The following SHANK2 variants were observed in gnomAD, a reference collection of about 807,000 sequenced individuals.
SHANK2 encodes SH3 and multiple ankyrin repeat domains protein 2.
SHANK2 carries 43 observed loss-of-function variants against 133.7 expected under a neutral mutation model. The observed-to-expected ratio is 0.32, with a 90% CI of 0.25 to 0.41. The LOEUF (loss-of-function observed/expected upper bound fraction) is 0.41. SHANK2 is among the 10% of genes least tolerant of loss of function. SHANK2 has a pLI of 1.00. For synonymous variants in SHANK2, 1,017 were observed against 952.8 expected (o/e 1.07, Z -1.24); for missense variants, 1,994 against 2,235.8 (o/e 0.89, Z 2.18).
At chr11:70,594,466 T>G (rs1332234990) in intron 17 of SHANK2, among the ~76,000 whole-genome samples, 1 of 152,218 alleles carries the variant, frequency 6.6e-6, no homozygotes, top group Non-Finnish European at 1.5e-5. Context: ...GAATACTGTA[T>G]TTTTGACCCA....
intron 14 of SHANK2, among the ~76,000 whole-genome samples, chr11:70,788,961 A>G (rs1320800837): frequency 1.3e-5 from 2 of 152,162 alleles, no homozygotes; most frequent in Non-Finnish European, 2.9e-5. Flanking sequence ...TGTTATGCCC[A>G]TTAGTCCTTG....
chr11:70,587,703 T>TG (rs1362679331), intron 17 of SHANK2, among the ~76,000 whole-genome samples: 16 of 149,504 alleles, frequency 1.1e-4, no homozygotes, highest in African/African-American at 3.9e-4. Context: ...GTCCAGTTTT[T>TG]TTTTTTTTTT....
At chr11:71,092,221 C>A (rs1415751254) in intron 8 of SHANK2, among the ~76,000 whole-genome samples, 1 of 152,214 alleles carries the variant, frequency 6.6e-6, no homozygotes, top group Non-Finnish European at 1.5e-5. Context: ...TATTTCTATG[C>A]AAATGTGTCT....
intron 17 of SHANK2, among the ~76,000 whole-genome samples, chr11:70,618,925 G>A (rs1554996861): frequency 6.6e-6 from 1 of 152,202 alleles, no homozygotes; most frequent in African/African-American, 2.4e-5. Context: ...CTCTGGGACA[G>A]GGGACACACA....
chr11:71,208,458 G>A (rs1455320836), intron 2 of SHANK2, among the ~76,000 whole-genome samples: 15 of 152,110 alleles, frequency 9.9e-5, no homozygotes, highest in African/African-American at 1.4e-4. Context: ...TCCAAATCTC[G>A]GATAGCTCCA....
chr11:70,508,388 A>G (rs368718701), intron 17 of SHANK2, among the ~76,000 whole-genome samples: 15 of 152,240 alleles, frequency 9.9e-5, no homozygotes, highest in African/African-American at 3.4e-4. Flanking sequence ...GGGGCGGGGC[A>G]GAGTCTGCCC....
At chr11:70,490,959 AG>A (rs1252490296) in intron 22 of SHANK2, among the ~76,000 whole-genome samples, 6 of 152,220 alleles carry the variant, frequency 3.9e-5, no homozygotes, top group African/African-American at 1.4e-4. Flanking sequence ...GGAGCTGCTC[AG>A]GGGCACAGCC....
intron 17 of SHANK2, among the ~76,000 whole-genome samples, chr11:70,641,605 C>T (rs2134158374): frequency 6.6e-6 from 1 of 152,304 alleles, no homozygotes; most frequent in East Asian, 1.9e-4. Context: ...TTCTGCCAGC[C>T]AGAGGCGGCC....
intron 14 of SHANK2, among the ~76,000 whole-genome samples, chr11:70,743,361 T>C (rs1049434059): frequency 2.6e-5 from 4 of 152,096 alleles, no homozygotes; most frequent in Non-Finnish European, 4.4e-5. Flanking sequence ...GCTCTGGTGA[T>C]TAGTGTCTTT....
At chr11:70,896,453 G>T (rs1555075699) in intron 11 of SHANK2, 48 bp downstream of exon 11, 2 of 689,284 alleles carry the variant, frequency 2.9e-6, no homozygotes. Context: ...ATTCCTCAGA[G>T]CATCTCCAAA....
chr11:71,094,711 C>T, intron 6 of SHANK2, 23 bp from the exon 7 acceptor site: 1 of 1,546,456 alleles, frequency 6.5e-7, no homozygotes, highest in Non-Finnish European at 8.7e-7. Context: ...AACACACACA[C>T]TTTAGAACCA....
At chr11:70,760,420 C>T (rs903062101) in intron 14 of SHANK2, among the ~76,000 whole-genome samples, 1 of 152,230 alleles carries the variant, frequency 6.6e-6, no homozygotes, top group Admixed American at 6.5e-5. Context: ...TTTCTGCTCC[C>T]CACGTTTGTT....
At chr11:70,708,896 A>G (rs1052526402) in intron 14 of SHANK2, among the ~76,000 whole-genome samples, 4 of 152,050 alleles carry the variant, frequency 2.6e-5, no homozygotes, top group African/African-American at 9.7e-5. Flanking sequence ...CCCCCTGCTG[A>G]CCTCCAGGGC....
intron 2 of SHANK2, among the ~76,000 whole-genome samples, chr11:71,222,545 C>A (rs191563180): frequency 2.0e-4 from 31 of 152,320 alleles, no homozygotes; most frequent in African/African-American, 7.0e-4. Flanking sequence ...CGGACGCAGG[C>A]GCCTTCCAAA....
Position 70,566,147 on chromosome 11 carries a change from C to G in SHANK2, c.2062-63216G>C, listed in dbSNP as rs146764691. Among the ~76,000 whole-genome samples the G allele has an allele frequency of 2.3e-3, 353 of 152,186 alleles. 1 individual carries two copies. Among genetic ancestry groups the G allele is most frequent in the Admixed American group, 3.5e-3 (54 of 15,286 alleles). On this transcript the variant is annotated intron_variant, in intron 17 of 25. Transcript: ENST00000601538. ...TGAGACTTGTTCACTACTATGAGAA[C>G]AGTATGGGGGAGAATGACCCCATGA...
chr11:71,158,388 A>T (rs1565485838), intron 2 of SHANK2, among the ~76,000 whole-genome samples: 1 of 152,248 alleles, frequency 6.6e-6, no homozygotes, highest in African/African-American at 2.4e-5. Flanking sequence ...AACTAAAAAA[A>T]AATCTAACAC....
chr11:71,215,366 C>A (rs1282866356), intron 2 of SHANK2, among the ~76,000 whole-genome samples: 1 of 152,162 alleles, frequency 6.6e-6, no homozygotes, highest in African/African-American at 2.4e-5. Context: ...GCCACTCTGT[C>A]ATCTCAAGGC....
intron 17 of SHANK2, among the ~76,000 whole-genome samples, chr11:70,552,831 C>T (rs1427623465): frequency 1.3e-5 from 2 of 152,114 alleles, no homozygotes; most frequent in Non-Finnish European, 2.9e-5. Context: ...GGACCCAGTT[C>T]CGGAAGCCTC....
intron 17 of SHANK2, among the ~76,000 whole-genome samples, chr11:70,657,372 A>G (rs185887483): frequency 3.9e-5 from 6 of 152,306 alleles, no homozygotes; most frequent in African/African-American, 1.4e-4. Context: ...AAATAGAGAA[A>G]CATGGTCTGT....
Sources: gnomAD v4.1 joint callset for allele counts (sites outside exome capture counted in the v4.1 genomes callset) on GRCh38, gnomAD v4.1.1 for gene constraint, MANE v1.5 for transcripts, NCBI Gene and HGNC (gene_info 2026-07-23, HGNC 2026-07-21) for gene names.